Variants in PTGIR observed in about 807,000 individuals in gnomAD.
PTGIR encodes the protein prostaglandin I2 receptor.
A neutral mutation model predicts 17.6 loss-of-function variants in PTGIR; 16 were observed. The observed-to-expected ratio is 0.91, with a 90% CI of 0.61 to 1.38. The LOEUF is 1.38. Ranked by LOEUF, PTGIR falls within the 40% of genes most tolerant of loss-of-function variation. The pLI, the probability that PTGIR is intolerant of heterozygous loss-of-function variation, is 0.00. For synonymous variants in PTGIR, 274 were observed against 255.4 expected (o/e 1.07, Z -0.69); for missense variants, 532 against 548.6 (o/e 0.97, Z 0.30).
rs1181813763 is a variant in PTGIR at position 46,625,004 on chromosome 19, G to GT, written c.-21dup. On this transcript the variant is annotated 5_prime_UTR_variant, in exon 1 of 3. Transcript: ENST00000291294. This position sits in a 1 kb window ranked among gnomAD's most constrained non-coding sequence, Gnocchi z 4.9. The stretch of plus-strand genomic sequence containing the variant: ...CCCAGCCCCTCACCGCACCTCTCCA[G>GT]TCTTGCCCAGGCTCTCCTGTCCCGT... 6.5e-6 allele frequency: 1 copy of GT among 154,804 alleles called. No individual in the cohort carries two copies. Among genetic ancestry groups the GT allele is most frequent in the African/African-American group, 2.4e-5 (1 of 41,288 alleles). The allele number at this position is 154,804 out of a possible 1,614,324, so 9.6% of individuals were successfully genotyped here. A position where few individuals can be genotyped will look rare whatever the true frequency, so the allele number is the denominator to read the frequency against.
At position 46,624,244 on chromosome 19, in the gene PTGIR, G is replaced by A. The variant is rs1197096968; in HGVS notation, c.-12-7C>T. 17 of 1,421,666 alleles carry A rather than the reference G, an allele frequency of 1.2e-5. No individual in the cohort carries two copies. The highest frequency in any genetic ancestry group is 1.6e-5 in the Non-Finnish European group (17 of 1,093,588). 88.1% of individuals were successfully genotyped at this position (1,421,666 alleles called of 1,614,324 possible). The stretch of plus-strand genomic sequence containing the variant: ...CCGCCATCCCAGGTCTGGGCTGGAG[G>A]GTTCCCAAGGTGGGGGGTCAGAGGG... On this transcript the variant is annotated splice_polypyrimidine_tract_variant and splice_region_variant and intron_variant, in intron 1 of 2. Transcript: ENST00000291294.
rs956799423 is a variant in PTGIR, at chr19:46,623,674, G to A, written c.552C>T (p.Phe184=). The stretch of plus-strand genomic sequence containing the variant: ...CCACCAGGCCGGCGTAGGCCAGCGA[G>A]AAGGCGGCGCCGCCCGGCTGGGCCC... The part of the protein sequence containing the change: ...MRWAQPGGAA[F]SLAYAGLVAL... The change falls in exon 2 of 3, where the codon TTC becomes TTT. Residue 184 remains phenylalanine, a synonymous_variant. Transcript: ENST00000291294. The A allele has an allele frequency of 3.0e-5, 46 of 1,550,466 alleles. No homozygotes were observed. Among genetic ancestry groups the A allele is most frequent in the Non-Finnish European group, 4.0e-5 (46 of 1,150,370 alleles).
chr19:46,616,476 G>A (rs1443411314), downstream of PTGIR, among the ~76,000 whole-genome samples: 1 of 151,880 alleles, frequency 6.6e-6, no homozygotes, highest in East Asian at 1.9e-4. Flanking sequence ...TGGGAATGCA[G>A]GTGCCCGCCA....
In PTGIR at chr19:46,621,613, A is replaced by G. The variant is rs145503807; in HGVS notation, c.828T>C (p.Leu276=). The change falls in exon 3 of 3, where the codon CTT becomes CTC. Residue 276 remains leucine, a synonymous_variant. Coordinates refer to ENST00000291294, the MANE Select transcript of PTGIR (RefSeq NM_000960.4). The surrounding 1 kb of genome is among the most constrained non-coding windows in gnomAD (Gnocchi z 4.8). The part of the protein sequence containing the change: ...PDSSSEMGDL[L]AFRFYAFNPI... ...GGTTGAAGGCGTAGAAGCGGAAGGCAAGGAGGTCCCCCATCTCACTGCTGC... is the reference window on the plus strand; with the variant it reads ...GGTTGAAGGCGTAGAAGCGGAAGGCGAGGAGGTCCCCCATCTCACTGCTGC... 2.5e-5 allele frequency: 40 copies of G among 1,613,412 alleles called. No homozygotes were observed. Among genetic ancestry groups the G allele is most frequent in the Non-Finnish European group, 3.3e-5 (39 of 1,179,962 alleles).
chr19:46,623,374 A>T, intron 2 of PTGIR, 84 bp downstream of exon 2: 1 of 1,400,150 alleles, frequency 7.1e-7, no homozygotes, highest in Non-Finnish European at 9.4e-7. Context: ...TTTGAGCCTC[A>T]GTCTCCCCAT....
chr19:46,613,668 T>C, the PTGIR span, among the ~76,000 whole-genome samples: 1 of 152,120 alleles, frequency 6.6e-6, no homozygotes, highest in African/African-American at 2.4e-5. Flanking sequence ...ACTTAGTTCA[T>C]ACCCAGGCTG....
At chr19:46,619,574 AGAGAGAG>A (rs1972019083), downstream of PTGIR, among the ~76,000 whole-genome samples, 2 of 127,860 alleles carry the variant, frequency 1.6e-5, no homozygotes, top group African/African-American at 6.1e-5. Flanking sequence ...AGAGAGAGAG[AGAGAGAG>A]AGAAAGAAAG....
At position 46,624,256 on chromosome 19, in the gene PTGIR, G is replaced by T. The variant is rs376912024; in HGVS notation, c.-12-19C>A. 20 of 1,415,304 alleles carry T rather than the reference G, an allele frequency of 1.4e-5. No individual in the cohort carries two copies. The highest frequency in any genetic ancestry group is 2.3e-4 in the Middle Eastern group (1 of 4,368). The allele number at this position is 1,415,304 out of a possible 1,614,324, so 87.7% of individuals were successfully genotyped here. A position where few individuals can be genotyped will look rare whatever the true frequency, so the allele number is the denominator to read the frequency against. On this transcript the variant is annotated intron_variant, in intron 1 of 2. Coordinates refer to ENST00000291294, the MANE Select transcript of PTGIR (RefSeq NM_000960.4). ...GTCTGGGCTGGAGGGTTCCCAAGGT[G>T]GGGGGTCAGAGGGAGCCAGGGCTAC...
downstream of PTGIR, among the ~76,000 whole-genome samples, chr19:46,620,226 A>G (rs552953741): frequency 3.3e-5 from 5 of 152,238 alleles, no homozygotes; most frequent in African/African-American, 1.2e-4. Flanking sequence ...CAGCCTTCCT[A>G]GGAGCTGGGA....
chr19:46,618,986 T>C (rs1972001158), downstream of PTGIR, among the ~76,000 whole-genome samples: 1 of 152,224 alleles, frequency 6.6e-6, no homozygotes, highest in South Asian at 2.1e-4. Flanking sequence ...ACATTTCTTA[T>C]GGGCTTTATT....
chr19:46,616,326 C>CTTTTTTTTTTTTTT (rs1021116711), downstream of PTGIR, among the ~76,000 whole-genome samples: 401 of 66,544 alleles, frequency 6.0e-3, 52 homozygotes, highest in African/African-American at 0.013. Flanking sequence ...GACAGAAATG[C>CTTTTTTTTTTTTTT]TTTTTTTTTT....
chr19:46,614,412 G>C, the PTGIR span: 16 of 985,246 alleles, frequency 1.6e-5, 1 homozygote, highest in South Asian at 2.8e-4. Context: ...GGTCAGGCCG[G>C]GTGCTAGGGA....
chr19:46,617,987 C>A (rs1317688333), downstream of PTGIR, among the ~76,000 whole-genome samples: 6 of 150,834 alleles, frequency 4.0e-5, no homozygotes, highest in African/African-American at 1.2e-4. Flanking sequence ...TACATGTGTG[C>A]GCTACCACAC....
At chr19:46,619,726 C>T (rs964898348), downstream of PTGIR, among the ~76,000 whole-genome samples, 2 of 152,174 alleles carry the variant, frequency 1.3e-5, no homozygotes, top group Non-Finnish European at 2.9e-5. Flanking sequence ...GCGCTGCCTA[C>T]CCCTCGAAGA....
chr19:46,618,160 G>A (rs1289072714), downstream of PTGIR, among the ~76,000 whole-genome samples: 8 of 152,048 alleles, frequency 5.3e-5, no homozygotes, highest in Non-Finnish European at 8.8e-5. Context: ...GACTACAGGC[G>A]CCCGCCACCA....
In PTGIR at chr19:46,620,589, CATCT is replaced by C. The variant is rs752043840; in HGVS notation, c.*687_*690del. The C allele has an allele frequency of 1.4e-4, 141 of 984,712 alleles. No individual in the cohort carries two copies. Among genetic ancestry groups the C allele is most frequent in the Non-Finnish European group, 1.7e-4 (137 of 829,846 alleles). The allele number at this position is 984,712 out of a possible 1,614,324, so 61.0% of individuals were successfully genotyped here. On this transcript the variant is annotated 3_prime_UTR_variant, in exon 3 of 3. Transcript: ENST00000291294. ...CCCACCCTTCATCTGCCAGCTTCTC[CATCT>C]GTCTCCCCACCACCTGCACCCCCCC...
chr19:46,621,960 G>A lies in PTGIR; in HGVS notation c.769-288C>T, dbSNP rs2052733645. ...GGCTCCACAGATTTTTGAGTATAAC[G>A]TCCCTGCAAGAAGGTGGCGCCACCC... On this transcript the variant is annotated intron_variant, in intron 2 of 2. Transcript: ENST00000291294. The surrounding 1 kb of genome is among the most constrained non-coding windows in gnomAD (Gnocchi z 4.8). 4.9e-6 allele frequency: 6 copies of A among 1,216,178 alleles called. No individual in the cohort carries two copies. Among genetic ancestry groups the A allele is most frequent in the East Asian group, 7.4e-5 (2 of 27,194 alleles). The allele number at this position is 1,216,178 out of a possible 1,614,324, so 75.3% of individuals were successfully genotyped here.
chr19:46,619,588 AAAG>A (rs1568675724), downstream of PTGIR, among the ~76,000 whole-genome samples: 35 of 134,234 alleles, frequency 2.6e-4, 1 homozygote, highest in Middle Eastern at 7.6e-3. Context: ...AGAGAGAAAG[AAAG>A]AAAAGAAAGA....
chr19:46,618,236 T>C (rs9710402), downstream of PTGIR, among the ~76,000 whole-genome samples: 1 of 151,922 alleles, frequency 6.6e-6, no homozygotes, highest in Non-Finnish European at 1.5e-5. Context: ...GGATGGTCTC[T>C]ATCTCCTGAC....
Sources: gnomAD v4.1 joint callset for allele counts (sites outside exome capture counted in the v4.1 genomes callset) on GRCh38, gnomAD v4.1.1 for gene constraint, Gnocchi (gnomAD v3.1) non-coding constraint, MANE v1.5 for transcripts, NCBI Gene and HGNC (gene_info 2026-07-23, HGNC 2026-07-21) for gene names.